DLG2: variants seen among roughly 807,000 people sequenced by gnomAD.
DLG2 encodes the protein disks large homolog 2.
In DLG2, 45 loss-of-function variants were observed where a neutral mutation model predicts 132.5. The observed-to-expected ratio is 0.34, with a 90% CI of 0.27 to 0.44. The LOEUF is 0.44. Among genes scored for constraint, DLG2 ranks in the 20% least tolerant of loss-of-function variants. The pLI is 1.00. For synonymous variants in DLG2, 424 were observed against 419.6 expected (o/e 1.01, Z -0.13); for missense variants, 1,045 against 1,196.9 (o/e 0.87, Z 1.87).
At chr11:84,946,368 G>T (rs954292090) in intron 6 of DLG2, among the ~76,000 whole-genome samples, 1 of 152,098 alleles carries the variant, frequency 6.6e-6, no homozygotes, top group Non-Finnish European at 1.5e-5. Flanking sequence ...CAAGGCCCAT[G>T]ACACATCTGG....
chr11:84,841,698 T>C (rs1217117783), intron 6 of DLG2, among the ~76,000 whole-genome samples: 1 of 152,036 alleles, frequency 6.6e-6, no homozygotes, highest in Non-Finnish European at 1.5e-5. Context: ...CATTCCTTTA[T>C]GGTCTTTTCC....
intron 15 of DLG2, among the ~76,000 whole-genome samples, chr11:83,888,336 A>C (rs1214437932): frequency 6.6e-6 from 1 of 152,154 alleles, no homozygotes; most frequent in Non-Finnish European, 1.5e-5. Flanking sequence ...ATCATGAGTG[A>C]ACTCCCATTC....
chr11:83,950,443 G>C (rs1225446631), intron 14 of DLG2, among the ~76,000 whole-genome samples: 1 of 152,048 alleles, frequency 6.6e-6, no homozygotes, highest in African/African-American at 2.4e-5. Flanking sequence ...AAAAATACAA[G>C]ATTAGCTGGG....
intron 26 of DLG2, among the ~76,000 whole-genome samples, chr11:83,465,758 A>C (rs2136219048): frequency 6.6e-6 from 1 of 152,314 alleles, no homozygotes; most frequent in Middle Eastern, 3.4e-3. Flanking sequence ...TAGCTCTATG[A>C]GGTATTTATT....
At chr11:83,522,632 G>C (rs563524538) in intron 21 of DLG2, among the ~76,000 whole-genome samples, 15 of 152,138 alleles carry the variant, frequency 9.9e-5, no homozygotes, top group African/African-American at 3.6e-4. Context: ...TTGGTTGAGT[G>C]CCATGAACTA....
intron 3 of DLG2, among the ~76,000 whole-genome samples, chr11:85,396,563 C>G (rs1388512613): frequency 6.6e-6 from 1 of 152,078 alleles, no homozygotes; most frequent in Non-Finnish European, 1.5e-5. Flanking sequence ...CTAAAATAAA[C>G]AGTGTAGAGA....
rs991110661 is a variant in DLG2, at chr11:83,892,705, A to C, written c.1497-18217T>G. On this transcript the variant is annotated intron_variant, in intron 15 of 27. Coordinates refer to ENST00000376104, the MANE Select transcript of DLG2 (RefSeq NM_001142699.3). ...CTTAAGATTTGCAAAGAATTAAAAAAAAAAAACTCACCTCTAGAGGCCAAA... is the reference window on the plus strand; with the variant it reads ...CTTAAGATTTGCAAAGAATTAAAAACAAAAAACTCACCTCTAGAGGCCAAA... Among the ~76,000 whole-genome samples the C allele has an allele frequency of 5.3e-5, 8 of 151,946 alleles. No individual in the cohort carries two copies. The East Asian group carries it at 1.4e-3, about 26-fold the overall frequency.
chr11:84,743,437 C>T (rs934130727), intron 6 of DLG2, among the ~76,000 whole-genome samples: 2 of 152,110 alleles, frequency 1.3e-5, no homozygotes, highest in African/African-American at 4.8e-5. Flanking sequence ...TCTGATTTGG[C>T]TATCAACCCA....
chr11:85,468,811 G>A (rs371041559), intron 3 of DLG2, among the ~76,000 whole-genome samples: 5 of 152,130 alleles, frequency 3.3e-5, no homozygotes. Flanking sequence ...GCAGAGTTCT[G>A]TAGATGTCTA....
chr11:85,464,042 A>T (rs984880014), intron 3 of DLG2, among the ~76,000 whole-genome samples: 4 of 101,040 alleles, frequency 4.0e-5, no homozygotes. Flanking sequence ...AGAGAGAGAG[A>T]TTGAAAGGGG....
chr11:84,071,999 C>G (rs536952978), intron 10 of DLG2, among the ~76,000 whole-genome samples: 1 of 152,312 alleles, frequency 6.6e-6, no homozygotes, highest in Admixed American at 6.5e-5. Flanking sequence ...GAAAGAAATC[C>G]AGGCAAAACC....
At chr11:84,029,508 C>T (rs2154088924) in intron 11 of DLG2, among the ~76,000 whole-genome samples, 1 of 152,110 alleles carries the variant, frequency 6.6e-6, no homozygotes, top group Non-Finnish European at 1.5e-5. Context: ...CACTCCTCCT[C>T]CAAGAGAGAT....
intron 3 of DLG2, among the ~76,000 whole-genome samples, chr11:85,454,454 G>T (rs1330642271): frequency 6.6e-6 from 1 of 151,954 alleles, no homozygotes; most frequent in Non-Finnish European, 1.5e-5. Flanking sequence ...TACATAGTTT[G>T]CAAATATTTT....
intron 3 of DLG2, among the ~76,000 whole-genome samples, chr11:85,338,980 C>A (rs1232877602): frequency 6.6e-6 from 1 of 152,156 alleles, no homozygotes; most frequent in Non-Finnish European, 1.5e-5. Context: ...GGGTGAGCCA[C>A]CACGCCCGGC....
chr11:84,219,680 A>G lies in DLG2; in HGVS notation c.573+31558T>C, dbSNP rs561317613. On this transcript the variant is annotated intron_variant, in intron 8 of 27. Coordinates refer to ENST00000376104, the MANE Select transcript of DLG2 (RefSeq NM_001142699.3). ...AAGGAGTGTTTTCAGCGAGTGGGAA[A>G]TCTCTAAGTTGTTCAAGCACTGTCT... Among the ~76,000 whole-genome samples, 17 of 152,218 alleles carry G rather than the reference A, an allele frequency of 1.1e-4. No individual in the cohort carries two copies. The East Asian group carries it at 3.3e-3, about 29-fold the overall frequency.
chr11:84,051,445 TC>T (rs1792764403), intron 11 of DLG2, among the ~76,000 whole-genome samples: 1 of 151,756 alleles, frequency 6.6e-6, no homozygotes, highest in African/African-American at 2.4e-5. Context: ...TATGCAGCCA[TC>T]AAAAATGATG....
chr11:83,730,527 C>T (rs2153699307), intron 18 of DLG2, among the ~76,000 whole-genome samples: 1 of 152,242 alleles, frequency 6.6e-6, no homozygotes, highest in Non-Finnish European at 1.5e-5. Context: ...TTTACAAAGA[C>T]AAAGGTATTC....
intron 4 of DLG2, among the ~76,000 whole-genome samples, chr11:85,204,042 T>C (rs1301062819): frequency 2.0e-5 from 3 of 152,116 alleles, no homozygotes; most frequent in Non-Finnish European, 4.4e-5. Context: ...ACTTTTAAAA[T>C]GATAAAGTCC....
chr11:84,237,141 G>A (rs1012336850), intron 8 of DLG2, among the ~76,000 whole-genome samples: 1 of 151,954 alleles, frequency 6.6e-6, no homozygotes, highest in East Asian at 1.9e-4. Flanking sequence ...TGTTGTCCAC[G>A]ATGGTCTCCA....
Sources: allele counts gnomAD v4.1 joint callset (sites outside exome capture counted in the v4.1 genomes callset), GRCh38; gene constraint gnomAD v4.1.1; transcripts MANE v1.5; gene names NCBI Gene and HGNC (gene_info 2026-07-23, HGNC 2026-07-21).